The following ZNF776 variants were observed in gnomAD, a reference collection of about 807,000 sequenced individuals.
The protein encoded by ZNF776 is zinc finger protein 776.
In ZNF776, 4 loss-of-function variants were observed where a neutral mutation model predicts 7.0. That is an observed-to-expected ratio of 0.57 (90% CI 0.28 to 1.31). The LOEUF (loss-of-function observed/expected upper bound fraction) is 1.31. Among genes scored for constraint, ZNF776 ranks in the 50% most tolerant of loss-of-function variants. The pLI is 0.10. For missense variants in ZNF776, 555 were observed against 625.9 expected (o/e 0.89, Z 1.21); for synonymous variants, 212 against 213.7 (o/e 0.99, Z 0.07).
At position 57,747,086 on chromosome 19, in the gene ZNF776, G is replaced by C. The variant is rs1377937085; in HGVS notation, c.28G>C (p.Ala10Pro). 6.3e-7 allele frequency: 1 copy of C among 1,592,036 alleles called. No homozygotes were observed. Among genetic ancestry groups the C allele is most frequent in the African/African-American group, 1.3e-5 (1 of 74,322 alleles). Residue 10 changes from alanine to proline, a missense_variant, in exon 1 of 3, where the codon GCT (alanine) becomes CCT (proline). Ala to Pro is a conservative substitution (Grantham distance 27, BLOSUM62 -1). Transcript: ENST00000317178. Reference protein sequence around the residue: MAAAALRPPAQGTVTFEDVA... With the variant: MAAAALRPPPQGTVTFEDVA... ...GGCGGCGGCCGCGCTGAGGCCCCCG[G>C]CTCAGGTAATTGTGGCGTCTTCCGT...
In ZNF776 at chr19:57,757,521, C is replaced by G. The variant is rs1986812637; in HGVS notation, c.*2834C>G. On this transcript the variant is annotated 3_prime_UTR_variant, in exon 3 of 3. Transcript: ENST00000317178. ...TGGCTCATAAGTATTTGGTATCACACAGGCTAATTGCCCCCCTTAGGGCGT... is the reference window on the plus strand; with the variant it reads ...TGGCTCATAAGTATTTGGTATCACAGAGGCTAATTGCCCCCCTTAGGGCGT... 6.6e-6 allele frequency: 1 copy of G among 152,250 alleles called. No individual in the cohort carries two copies. Among genetic ancestry groups the G allele is most frequent in the African/African-American group, 2.4e-5 (1 of 41,460 alleles). The allele number at this position is 152,250 out of a possible 1,614,324, so 9.4% of individuals were successfully genotyped here.
At chr19:57,751,665 G>A (rs1447278795) in intron 2 of ZNF776, among the ~76,000 whole-genome samples, 1 of 150,464 alleles carries the variant, frequency 6.6e-6, no homozygotes, top group East Asian at 2.0e-4. Flanking sequence ...TGTGCCCTGA[G>A]TATTTTTTGC....
rs2122531525 is a variant in ZNF776, at chr19:57,758,012, GATAT to G, written c.*3328_*3331del. On this transcript the variant is annotated 3_prime_UTR_variant, in exon 3 of 3. Transcript: ENST00000317178. ...GCATATTTTGACATTCATCAATCAT[GATAT>G]ATGAGTAGTTCATTCTTTTTATCTT... 6.6e-6 allele frequency: 1 copy of G among 152,076 alleles called. No individual in the cohort carries two copies. The highest frequency in any genetic ancestry group is 2.4e-5 in the African/African-American group (1 of 41,456). The allele number at this position is 152,076 out of a possible 1,614,324, so 9.4% of individuals were successfully genotyped here.
chr19:57,752,936 C>A (rs1177753256), intron 2 of ZNF776, among the ~76,000 whole-genome samples: 1 of 152,202 alleles, frequency 6.6e-6, no homozygotes, highest in East Asian at 1.9e-4. Flanking sequence ...TCCTGTGACA[C>A]ACAAACAAGT....
At chr19:57,751,809 G>T (rs1000806278) in intron 2 of ZNF776, among the ~76,000 whole-genome samples, 1 of 149,650 alleles carries the variant, frequency 6.7e-6, no homozygotes, top group African/African-American at 2.5e-5. Context: ...AAGTAGCTGG[G>T]ACTACAGGAG....
chr19:57,750,914 A>G lies in ZNF776; in HGVS notation c.160+3A>G. On this transcript the variant is annotated splice_donor_region_variant and intron_variant, in intron 2 of 2. Transcript: ENST00000317178. ...CCTGACACTTATATCTTCTCTAGGTAAGGCACTCACACTCTTCTCTATGAC... is the reference window on the plus strand; with the variant it reads ...CCTGACACTTATATCTTCTCTAGGTGAGGCACTCACACTCTTCTCTATGAC... The G allele has an allele frequency of 1.2e-6, 2 of 1,606,360 alleles. No individual in the cohort carries two copies. The highest frequency in any genetic ancestry group is 1.7e-6 in the Non-Finnish European group (2 of 1,175,716).
chr19:57,757,222 A>G lies in ZNF776; in HGVS notation c.*2535A>G, dbSNP rs1986803143. The G allele has an allele frequency of 6.2e-6, 1 of 160,950 alleles. No homozygotes were observed. Among genetic ancestry groups the G allele is most frequent in the Non-Finnish European group, 1.4e-5 (1 of 73,266 alleles). 10.0% of individuals were successfully genotyped at this position (160,950 alleles called of 1,614,324 possible). Reference sequence around the variant, plus strand: ...TGGGATATACTTTTTTTAAAAAGGCATCCACAATGATTCAGTCACTATGTC... The same window carrying G: ...TGGGATATACTTTTTTTAAAAAGGCGTCCACAATGATTCAGTCACTATGTC... On this transcript the variant is annotated 3_prime_UTR_variant, in exon 3 of 3. Coordinates refer to ENST00000317178, the MANE Select transcript of ZNF776 (RefSeq NM_173632.4).
chr19:57,747,218 T>G, intron 1 of ZNF776, 127 bp downstream of exon 1: 2 of 1,025,770 alleles, frequency 1.9e-6, no homozygotes, highest in South Asian at 3.2e-5. Context: ...AGGCGCTCTC[T>G]ATGGGCCCCC....
At chr19:57,750,283 A>G (rs1986560554) in intron 1 of ZNF776, among the ~76,000 whole-genome samples, 1 of 151,858 alleles carries the variant, frequency 6.6e-6, no homozygotes, top group Non-Finnish European at 1.5e-5. Flanking sequence ...AAAAAAAAAA[A>G]ATTAGCCGGC....
Position 57,754,786 on chromosome 19 carries a change from C to A in ZNF776, c.*99C>A. On this transcript the variant is annotated 3_prime_UTR_variant, in exon 3 of 3. Coordinates refer to ENST00000317178, the MANE Select transcript of ZNF776 (RefSeq NM_173632.4). ...GAGTATGGAGAATGTGCAAAATCAT[C>A]TAGCCAAAAGGTTGGCCTCATTCAA... 7.7e-7 allele frequency: 1 copy of A among 1,292,192 alleles called. No homozygotes were observed. The highest frequency in any genetic ancestry group is 1.1e-6 in the Non-Finnish European group (1 of 935,104). The allele number at this position is 1,292,192 out of a possible 1,614,324, so 80.0% of individuals were successfully genotyped here.
chr19:57,747,029 C>A lies in ZNF776; in HGVS notation c.-30C>A. 1 of 1,566,776 alleles carries A rather than the reference C, an allele frequency of 6.4e-7. No individual in the cohort carries two copies. Among genetic ancestry groups the A allele is most frequent in the Non-Finnish European group, 8.7e-7 (1 of 1,155,232 alleles). On this transcript the variant is annotated 5_prime_UTR_variant, in exon 1 of 3. Coordinates refer to ENST00000317178, the MANE Select transcript of ZNF776 (RefSeq NM_173632.4). ...GGGTACCTGCACTGCTCGCCCCCTC[C>A]TTTCGACCCCGCTTTCCCCACCCAG...
intron 1 of ZNF776, among the ~76,000 whole-genome samples, chr19:57,750,286 T>C (rs62128147): frequency 6.6e-6 from 1 of 150,812 alleles, no homozygotes; most frequent in Admixed American, 6.6e-5. Flanking sequence ...AAAAAAAAAT[T>C]AGCCGGCACG....
chr19:57,751,504 G>A (rs1380834919), intron 2 of ZNF776, among the ~76,000 whole-genome samples: 1 of 151,950 alleles, frequency 6.6e-6, no homozygotes, highest in African/African-American at 2.4e-5. Flanking sequence ...TCGGACTAGA[G>A]GCTTCTGCCA....
Position 57,753,284 on chromosome 19 carries a change from C to A in ZNF776, c.161-7C>A. On this transcript the variant is annotated splice_polypyrimidine_tract_variant and splice_region_variant and intron_variant, in intron 2 of 2. Transcript: ENST00000317178. ...CTTGCATTTTACCAGCATTTTATTT[C>A]TTTTAGGTTGTTGGTATGGAGCAAA... The A allele has an allele frequency of 6.2e-7, 1 of 1,601,942 alleles. No homozygotes were observed. Among genetic ancestry groups the A allele is most frequent in the East Asian group, 2.2e-5 (1 of 44,662 alleles).
rs1305605999 is a variant in ZNF776, at chr19:57,753,608, T to G, written c.478T>G (p.Ser160Ala). 4.3e-6 allele frequency: 7 copies of G among 1,614,080 alleles called. No individual in the cohort carries two copies. In the African/African-American group the frequency reaches 9.3e-5, roughly 22 times the overall value. Residue 160 changes from serine to alanine, a missense_variant, in exon 3 of 3, where the codon TCA becomes GCA. Physicochemically the swap from Ser to Ala is moderately conservative, Grantham distance 99. Coordinates refer to ENST00000317178, the MANE Select transcript of ZNF776 (RefSeq NM_173632.4). ...SFVKNCKFHM[S>A]HEPFIFHEVG... is the part of the protein sequence containing the mutation. ...TGTAAAGAACTGTAAATTCCATATG[T>G]CACATGAGCCATTTATCTTTCATGA... is the stretch of plus-strand genomic sequence containing the variant.
Position 57,756,274 on chromosome 19 carries a change from C to T in ZNF776, c.*1587C>T, listed in dbSNP as rs1986773738. 1 of 80,310 alleles carries T rather than the reference C, an allele frequency of 1.2e-5. No homozygotes were observed. Among genetic ancestry groups the T allele is most frequent in the African/African-American group, 9.9e-5 (1 of 10,056 alleles). The allele number at this position is 80,310 out of a possible 1,614,324, so 5.0% of individuals were successfully genotyped here. On this transcript the variant is annotated 3_prime_UTR_variant, in exon 3 of 3. Coordinates refer to ENST00000317178, the MANE Select transcript of ZNF776 (RefSeq NM_173632.4). ...GATTCTTAAAATGGAATTTTCCAGC[C>T]TCTTAACTCACCAACCCAAGTACAA...
rs1986780490 is a variant in ZNF776 at position 57,756,451 on chromosome 19, C to G, written c.*1764C>G. ...CATGGTTCTGGTACCATGAAGGATTCTGGTACCATGAAAGTTTGTTGGGGT... is the reference window on the plus strand; with the variant it reads ...CATGGTTCTGGTACCATGAAGGATTGTGGTACCATGAAAGTTTGTTGGGGT... On this transcript the variant is annotated 3_prime_UTR_variant, in exon 3 of 3. Transcript: ENST00000317178. The G allele has an allele frequency of 6.5e-6, 1 of 153,870 alleles. No homozygotes were observed. The highest frequency in any genetic ancestry group is 1.4e-5 in the Non-Finnish European group (1 of 69,132). 9.5% of individuals were successfully genotyped at this position (153,870 alleles called of 1,614,324 possible). A position where few individuals can be genotyped will look rare whatever the true frequency, so the allele number is the denominator to read the frequency against.
chr19:57,754,131 G>A lies in ZNF776; in HGVS notation c.1001G>A (p.Ser334Asn), dbSNP rs1023568201. ...ECGKSFSHKRSLVHHQRVHTG... is the reference protein window; with the variant it reads ...ECGKSFSHKRNLVHHQRVHTG... ...GGGAAATCTTTTAGCCATAAGCGCA[G>A]CCTTGTTCACCACCAGCGAGTTCAC... is the stretch of plus-strand genomic sequence containing the variant. Residue 334 changes from serine (S) to asparagine (N), a missense_variant, in exon 3 of 3, where the codon AGC becomes AAC. Coordinates refer to ENST00000317178, the MANE Select transcript of ZNF776 (RefSeq NM_173632.4). 1 of 1,613,512 alleles carries A rather than the reference G, an allele frequency of 6.2e-7. No individual in the cohort carries two copies. Among genetic ancestry groups the A allele is most frequent in the African/African-American group, 1.3e-5 (1 of 74,824 alleles).
intron 1 of ZNF776, among the ~76,000 whole-genome samples, chr19:57,749,936 A>G (rs1336018331): frequency 6.6e-6 from 1 of 152,168 alleles, no homozygotes; most frequent in Non-Finnish European, 1.5e-5. Flanking sequence ...TTTTAAACAT[A>G]TTTATAGCAC....
Sources: allele counts gnomAD v4.1 joint callset (sites outside exome capture counted in the v4.1 genomes callset), GRCh38; gene constraint gnomAD v4.1.1; transcripts MANE v1.5; gene names NCBI Gene and HGNC (gene_info 2026-07-23, HGNC 2026-07-21).